Variants in RDH11 observed in about 807,000 individuals in gnomAD.
RDH11 encodes the protein HCV core-binding protein HCBP12.
Under a neutral mutation model 33.4 loss-of-function variants are expected in RDH11, and 19 were observed. That is an observed-to-expected ratio of 0.57 (90% CI 0.40 to 0.83). The LOEUF (loss-of-function observed/expected upper bound fraction) is 0.83, where lower values mean the gene tolerates loss of function less well. Among genes scored for constraint, RDH11 ranks in the 40% least tolerant of loss-of-function variants. The pLI, the probability that RDH11 is intolerant of heterozygous loss-of-function variation, is 0.00. For synonymous variants in RDH11, 154 were observed against 155.3 expected (o/e 0.99, Z 0.06); for missense variants, 353 against 389.0 (o/e 0.91, Z 0.78).
At chr14:67,689,191 C>T (rs912853063) in intron 5 of RDH11, among the ~76,000 whole-genome samples, 7 of 152,230 alleles carry the variant, frequency 4.6e-5, no homozygotes, top group Non-Finnish European at 8.8e-5. Flanking sequence ...TGGGCACAGA[C>T]TGGGCATAAG....
intron 5 of RDH11, among the ~76,000 whole-genome samples, chr14:67,688,611 T>G (rs2037710726): frequency 6.6e-6 from 1 of 151,680 alleles, no homozygotes; most frequent in African/African-American, 2.4e-5. Flanking sequence ...TTTTTTTTTT[T>G]TTTGGTAGAG....
intron 4 of RDH11, 85 bp downstream of exon 4, chr14:67,691,055 C>A: frequency 1.1e-6 from 1 of 874,770 alleles, no homozygotes; most frequent in Non-Finnish European, 1.9e-6. Context: ...TTCAATCACA[C>A]AACAAGAAGC....
intron 5 of RDH11, among the ~76,000 whole-genome samples, chr14:67,687,469 T>A (rs924982292): frequency 7.2e-4 from 3 of 4,144 alleles, no homozygotes; most frequent in African/African-American, 9.5e-4. Context: ...CCATATTCCT[T>A]TTTTTTTTTT....
chr14:67,693,016 A>G lies in RDH11; in HGVS notation c.111T>C (p.Val37=), dbSNP rs1380871262. 8 of 1,614,134 alleles carry G rather than the reference A, an allele frequency of 5.0e-6. No homozygotes were observed. The highest frequency in any genetic ancestry group is 5.9e-6 in the Non-Finnish European group (7 of 1,179,966). ...MLSSGVCTST[V]QLPGKVVVVT... ...CCACAACTACTTTCCCAGGAAGCTG[A>G]ACAGTTGATGTACACACCCCACTGG... is the stretch of plus-strand genomic sequence containing the variant. Residue 37 remains valine (V), a synonymous_variant, in exon 2 of 7, where the codon GTT becomes GTC. Coordinates refer to ENST00000381346, the MANE Select transcript of RDH11 (RefSeq NM_016026.4).
intron 6 of RDH11, among the ~76,000 whole-genome samples, chr14:67,681,371 TA>T (rs2037613581): frequency 6.6e-6 from 1 of 152,234 alleles, no homozygotes; most frequent in Admixed American, 6.5e-5. Flanking sequence ...AACAGACTAA[TA>T]CAGATACCAA....
chr14:67,687,256 C>A (rs7147404), intron 5 of RDH11, among the ~76,000 whole-genome samples: 16,691 of 152,188 alleles, frequency 0.11, 1,329 homozygotes, highest in South Asian at 0.33. Context: ...TAATTTTAAC[C>A]GTTTCCCATT....
chr14:67,679,136 A>G (rs2037581145), intron 6 of RDH11, among the ~76,000 whole-genome samples: 1 of 152,198 alleles, frequency 6.6e-6, no homozygotes, highest in South Asian at 2.1e-4. Flanking sequence ...AACAAGATGG[A>G]AGGCATGACA....
intron 6 of RDH11, among the ~76,000 whole-genome samples, chr14:67,680,203 C>A (rs918003442): frequency 1.3e-5 from 2 of 152,208 alleles, no homozygotes; most frequent in Non-Finnish European, 2.9e-5. Flanking sequence ...GTCACGTTTA[C>A]AAAACAAGTC....
intron 4 of RDH11, 34 bp downstream of exon 4, chr14:67,691,106 C>G (rs368350278): frequency 6.9e-7 from 1 of 1,458,520 alleles, no homozygotes; most frequent in Non-Finnish European, 9.6e-7. Flanking sequence ...AATTTTGGGT[C>G]TCTCTAGCTT....
At chr14:67,685,245 G>A (rs2037663560) in intron 5 of RDH11, 41 bp from the exon 6 acceptor site, 1 of 1,548,370 alleles carries the variant, frequency 6.5e-7, no homozygotes, top group Non-Finnish European at 8.8e-7. Flanking sequence ...GACAGGACTT[G>A]ATTTTGCAGA....
chr14:67,691,030 A>G lies in RDH11; in HGVS notation c.454+110T>C, dbSNP rs2037742979. 6 of 759,736 alleles carry G rather than the reference A, an allele frequency of 7.9e-6. No homozygotes were observed. In the South Asian group the frequency reaches 9.1e-5, roughly 11 times the overall value. The allele number at this position is 759,736 out of a possible 1,614,324, so 47.1% of individuals were successfully genotyped here. A position where few individuals can be genotyped will look rare whatever the true frequency, so the allele number is the denominator to read the frequency against. On this transcript the variant is annotated intron_variant, in intron 4 of 6. Transcript: ENST00000381346. ...CCAAACTATTATGCACACATGGTCTATTATGGTCCTGAGGTTCAATCACAC... is the reference window on the plus strand; with the variant it reads ...CCAAACTATTATGCACACATGGTCTGTTATGGTCCTGAGGTTCAATCACAC...
chr14:67,691,252 G>C lies in RDH11; in HGVS notation c.350-8C>G. The C allele has an allele frequency of 1.2e-6, 2 of 1,604,592 alleles. No homozygotes were observed. The highest frequency in any genetic ancestry group is 1.1e-5 in the South Asian group (1 of 90,874). The stretch of plus-strand genomic sequence containing the variant: ...CGTGGAGGTGCTTTTCCTCTGCAGG[G>C]ACAAGACGATGGAGCGTGGAAGTGG... On this transcript the variant is annotated splice_region_variant and splice_polypyrimidine_tract_variant and intron_variant, in intron 3 of 6. Coordinates refer to ENST00000381346, the MANE Select transcript of RDH11 (RefSeq NM_016026.4).
rs542915159 is a variant in RDH11, at chr14:67,695,558, G to A, written c.74+72C>T. ...CAGGGGAGTTTTCCAAGAAAGCTTT[G>A]GTGGGGATTCTATGTTTCCCTCCCG... On this transcript the variant is annotated intron_variant, in intron 1 of 6. Coordinates refer to ENST00000381346, the MANE Select transcript of RDH11 (RefSeq NM_016026.4). The A allele has an allele frequency of 1.9e-4, 281 of 1,465,454 alleles. No homozygotes were observed. The African/African-American group carries it at 3.6e-3, about 19-fold the overall frequency. 90.8% of individuals were successfully genotyped at this position (1,465,454 alleles called of 1,614,324 possible). A position where few individuals can be genotyped will look rare whatever the true frequency, so the allele number is the denominator to read the frequency against.
At position 67,695,736 on chromosome 14, in the gene RDH11, G is replaced by GCTC; in HGVS notation, c.-36_-34dup. 5 of 1,604,924 alleles carry GCTC rather than the reference G, an allele frequency of 3.1e-6. No individual in the cohort carries two copies. The highest frequency in any genetic ancestry group is 4.3e-6 in the Non-Finnish European group (5 of 1,173,578). On this transcript the variant is annotated 5_prime_UTR_variant, in exon 1 of 7. Transcript: ENST00000381346. ...GGCTGCAGCGGCACCAGAGCGGGAT[G>GCTC]CTCCAGCGTTGCTCGCCGACTATGG... is the stretch of plus-strand genomic sequence containing the variant.
intron 6 of RDH11, among the ~76,000 whole-genome samples, chr14:67,679,553 G>C (rs942000261): frequency 4.6e-5 from 7 of 152,104 alleles, no homozygotes; most frequent in Non-Finnish European, 1.0e-4. Context: ...ATAGGCGCCT[G>C]CCACCATGAC....
At chr14:67,687,468 T>C (rs1159215684) in intron 5 of RDH11, among the ~76,000 whole-genome samples, 6 of 3,368 alleles carry the variant, frequency 1.8e-3, no homozygotes, top group Non-Finnish European at 0.016. Context: ...TCCATATTCC[T>C]TTTTTTTTTT....
Position 67,695,617 on chromosome 14 carries a change from CA to C in RDH11, c.74+12del. The C allele has an allele frequency of 6.2e-7, 1 of 1,612,060 alleles. No homozygotes were observed. Among genetic ancestry groups the C allele is most frequent in the Non-Finnish European group, 8.5e-7 (1 of 1,178,714 alleles). On this transcript the variant is annotated intron_variant, in intron 1 of 6. Coordinates refer to ENST00000381346, the MANE Select transcript of RDH11 (RefSeq NM_016026.4). ...CAAGAATTCTCAAGAGAAGGCAATA[CA>C]TTTGCACAGACCTGATTTGGGGCGC...
At chr14:67,690,729 A>C in intron 4 of RDH11, 1 of 401,754 alleles carries the variant, frequency 2.5e-6, no homozygotes, top group Non-Finnish European at 4.6e-6. Context: ...CACGCCGGTA[A>C]TCTCAGCACT....
rs746800833 is a variant in RDH11 at position 67,685,096 on chromosome 14, T to C, written c.773A>G (p.Lys258Arg). Residue 258 changes from lysine to arginine, a missense_variant, in exon 6 of 7, where the codon AAG (lysine) becomes AGG (arginine). Transcript: ENST00000381346. ...WMWWLFSFFI[K>R]TPQQGAQTSL... is the part of the protein sequence containing the mutation. ...GGTCTGGGCTCCCTGCTGAGGAGTCTTGATGAAAAAGGAGAAAAGCCACCA... is the reference window on the plus strand; with the variant it reads ...GGTCTGGGCTCCCTGCTGAGGAGTCCTGATGAAAAAGGAGAAAAGCCACCA... 1.9e-6 allele frequency: 3 copies of C among 1,614,124 alleles called. No individual in the cohort carries two copies. Among genetic ancestry groups the C allele is most frequent in the Non-Finnish European group, 1.7e-6 (2 of 1,179,996 alleles).
Sources: gnomAD v4.1 joint callset for allele counts (sites outside exome capture counted in the v4.1 genomes callset) on GRCh38, gnomAD v4.1.1 for gene constraint, MANE v1.5 for transcripts, NCBI Gene and HGNC (gene_info 2026-07-23, HGNC 2026-07-21) for gene names.